CABIN1: variants seen among roughly 807,000 people sequenced by gnomAD.
CABIN1 encodes calcineurin-binding protein cabin-1.
Under a neutral mutation model 227.7 loss-of-function variants are expected in CABIN1, and 133 were observed. That is an observed-to-expected ratio of 0.58 (90% CI 0.51 to 0.67). The LOEUF (loss-of-function observed/expected upper bound fraction) is 0.67. Ranked by LOEUF, CABIN1 falls within the 30% of genes least tolerant of loss-of-function variation. The pLI, the probability that CABIN1 is intolerant of heterozygous loss-of-function variation, is 0.00. For missense variants in CABIN1, 2,408 were observed against 2,852.5 expected (o/e 0.84, Z 3.55); for synonymous variants, 1,086 against 1,155.1 (o/e 0.94, Z 1.21).
At chr22:24,101,623 A>T (rs1286730938) in intron 26 of CABIN1, 1 of 152,290 alleles carries the variant, frequency 6.6e-6, no homozygotes, top group Non-Finnish European at 1.5e-5. Context: ...TGCTGCTGGC[A>T]GCTCTGGCTG....
chr22:24,064,526 T>TG (rs1304853040), intron 15 of CABIN1, among the ~76,000 whole-genome samples: 4 of 150,136 alleles, frequency 2.7e-5, no homozygotes, highest in Non-Finnish European at 5.9e-5. Flanking sequence ...TTTTTTTTTT[T>TG]TTTTTTTTTA....
chr22:24,172,170 G>A (rs1396413304), intron 34 of CABIN1, among the ~76,000 whole-genome samples, 175 bp downstream of exon 34: 2 of 152,244 alleles, frequency 1.3e-5, no homozygotes, highest in Non-Finnish European at 2.9e-5. Context: ...TGGCAGCCTC[G>A]GTGGCCCTGG....
chr22:24,113,817 G>A (rs746558163), intron 27 of CABIN1, 69 bp downstream of exon 27: 51 of 1,561,212 alleles, frequency 3.3e-5, no homozygotes, highest in Non-Finnish European at 4.3e-5. Flanking sequence ...AAAGCCGAAG[G>A]CTTCGTGGCC....
At chr22:24,064,441 A>G (rs571824476) in intron 15 of CABIN1, among the ~76,000 whole-genome samples, 73 of 149,500 alleles carry the variant, frequency 4.9e-4, no homozygotes, top group Non-Finnish European at 8.7e-4. Context: ...TCCTGACATC[A>G]GGTGATCCAC....
At chr22:24,091,897 T>C in intron 24 of CABIN1, 54 bp downstream of exon 24, 1 of 1,601,328 alleles carries the variant, frequency 6.2e-7, no homozygotes, top group Non-Finnish European at 8.5e-7. Context: ...GGCTGGTTTC[T>C]TTATCTCCCT....
chr22:24,117,868 C>T (rs1292125101), intron 27 of CABIN1, among the ~76,000 whole-genome samples: 1 of 152,234 alleles, frequency 6.6e-6, no homozygotes, highest in East Asian at 1.9e-4. Flanking sequence ...TATGGCTTAC[C>T]CTGTTTGGTG....
intron 28 of CABIN1, among the ~76,000 whole-genome samples, chr22:24,131,823 T>C (rs1043886668): frequency 2.6e-5 from 4 of 152,102 alleles, no homozygotes; most frequent in Non-Finnish European, 4.4e-5. Flanking sequence ...TCCAACACTT[T>C]GGGAGGCCAA....
In CABIN1 at chr22:24,087,720, A is replaced by C; in HGVS notation, c.3525+7A>C. 1.2e-6 allele frequency: 2 copies of C among 1,613,418 alleles called. No homozygotes were observed. The highest frequency in any genetic ancestry group is 1.7e-6 in the Non-Finnish European group (2 of 1,180,006). On this transcript the variant is annotated splice_region_variant and intron_variant, in intron 23 of 36. Coordinates refer to ENST00000263119, the MANE Select transcript of CABIN1 (RefSeq NM_012295.4). ...CCCTGAGCTCGTGCAGCAGGTGAGG[A>C]GGGGGTGCTGCAGATGGGCTTGCCA...
chr22:24,125,006 G>A (rs192794547), intron 28 of CABIN1, among the ~76,000 whole-genome samples: 42 of 152,264 alleles, frequency 2.8e-4, no homozygotes, highest in Admixed American at 1.0e-3. Context: ...TAAAAAGGGG[G>A]GAAATTCGGT....
chr22:24,032,887 G>A lies in CABIN1; in HGVS notation c.-74-2557G>A, dbSNP rs529999086. 3.9e-5 allele frequency among the ~76,000 whole-genome samples: 6 copies of A among 152,254 alleles called. No individual in the cohort carries two copies. In the South Asian group the frequency reaches 1.2e-3, roughly 32 times the overall value. On this transcript the variant is annotated intron_variant, in intron 1 of 36. Coordinates refer to ENST00000263119, the MANE Select transcript of CABIN1 (RefSeq NM_012295.4). ...AGGTCAGGAATTCGAGACCAGCCTGGCCAACATGGTGAAACCCTGTCTCTA... is the reference window on the plus strand; with the variant it reads ...AGGTCAGGAATTCGAGACCAGCCTGACCAACATGGTGAAACCCTGTCTCTA...
chr22:24,050,912 A>G lies in CABIN1; in HGVS notation c.744A>G (p.Gln248=). ...CCTTGGGGCTGCGAAAAAAGAGGCAAGCGCTGATTGTGCGGGAGAAGGAGC... is the reference window on the plus strand; with the variant it reads ...CCTTGGGGCTGCGAAAAAAGAGGCAGGCGCTGATTGTGCGGGAGAAGGAGC... ...DEALGLRKKR[Q]ALIVREKEPD... The change falls in exon 8 of 37, where the codon CAA becomes CAG. Residue 248 remains glutamine, a synonymous_variant. Coordinates refer to ENST00000263119, the MANE Select transcript of CABIN1 (RefSeq NM_012295.4). 1 of 1,614,208 alleles carries G rather than the reference A, an allele frequency of 6.2e-7. No individual in the cohort carries two copies. Among genetic ancestry groups the G allele is most frequent in the Non-Finnish European group, 8.5e-7 (1 of 1,180,044 alleles).
chr22:24,039,463 A>C (rs1235743988), intron 4 of CABIN1, among the ~76,000 whole-genome samples: 1 of 152,066 alleles, frequency 6.6e-6, no homozygotes, highest in African/African-American at 2.4e-5. Context: ...AGTGCTTTGG[A>C]ATTAGTGGTA....
Position 24,161,965 on chromosome 22 carries a change from G to T in CABIN1, c.4747-2435G>T, listed in dbSNP as rs539671101. The T allele has an allele frequency of 4.0e-3, 606 of 152,366 alleles. 1 individual carries two copies. Among genetic ancestry groups the T allele is most frequent in the Middle Eastern group, 6.8e-3 (2 of 294 alleles). The allele number at this position is 152,366 out of a possible 1,614,324, so 9.4% of individuals were successfully genotyped here. ...TGTTAGAGGGACAGTGGAGGGAGAG[G>T]GCTGCTGTGGCTACTGCCCCTCTGT... On this transcript the variant is annotated intron_variant, in intron 29 of 36. Transcript: ENST00000263119.
chr22:24,038,379 C>G lies in CABIN1; in HGVS notation c.128C>G (p.Ala43Gly). The G allele has an allele frequency of 6.2e-7, 1 of 1,614,036 alleles. No individual in the cohort carries two copies. Among genetic ancestry groups the G allele is most frequent in the Middle Eastern group, 1.7e-4 (1 of 6,060 alleles). Reference sequence around the variant, plus strand: ...GAGGCTTTTGCATTGTACCACAAGGCCCTTGATCTGCAGAAACATGACCGG... The same window carrying G: ...GAGGCTTTTGCATTGTACCACAAGGGCCTTGATCTGCAGAAACATGACCGG... ...EAEAFALYHKALDLQKHDRFE... is the reference protein window; with the variant it reads ...EAEAFALYHKGLDLQKHDRFE... Residue 43 changes from alanine (A) to glycine (G), a missense_variant, in exon 4 of 37, where the codon GCC (alanine) becomes GGC (glycine). By Grantham distance (60) the Ala-to-Gly change is moderately conservative. Transcript: ENST00000263119.
intron 26 of CABIN1, among the ~76,000 whole-genome samples, chr22:24,105,075 T>A (rs940058557): frequency 2.0e-5 from 3 of 152,172 alleles, no homozygotes; most frequent in African/African-American, 7.2e-5. Context: ...AATCCTGGGA[T>A]TGTCCAAGGG....
intron 34 of CABIN1, among the ~76,000 whole-genome samples, chr22:24,173,607 G>A (rs1291496734): frequency 1.3e-5 from 2 of 152,182 alleles, no homozygotes; most frequent in African/African-American, 2.4e-5. Context: ...AGGCCGAGGT[G>A]GGCGGATCAC....
At chr22:24,054,654 C>T (rs1265086171) in intron 8 of CABIN1, among the ~76,000 whole-genome samples, 1 of 152,204 alleles carries the variant, frequency 6.6e-6, no homozygotes, top group African/African-American at 2.4e-5. Flanking sequence ...TGCCAGGTCC[C>T]TGGTCCAGCT....
intron 33 of CABIN1, among the ~76,000 whole-genome samples, chr22:24,169,417 G>A (rs1350467814): frequency 6.6e-6 from 1 of 152,148 alleles, no homozygotes; most frequent in Admixed American, 6.5e-5. Flanking sequence ...CAGTGGAATG[G>A]AGCCTCAGGC....
intron 1 of CABIN1, among the ~76,000 whole-genome samples, chr22:24,017,675 A>G (rs751178620): frequency 6.6e-6 from 1 of 152,156 alleles, no homozygotes; most frequent in Non-Finnish European, 1.5e-5. Context: ...CTTTTTTGTG[A>G]CATGTGTCAG....
Sources: gnomAD v4.1 joint callset for allele counts (sites outside exome capture counted in the v4.1 genomes callset) on GRCh38, gnomAD v4.1.1 for gene constraint, MANE v1.5 for transcripts, NCBI Gene and HGNC (gene_info 2026-07-23, HGNC 2026-07-21) for gene names.